Variants in CEP350 observed in about 807,000 individuals in gnomAD.
CEP350 encodes centrosomal protein 350.
Under a neutral mutation model 331.8 loss-of-function variants are expected in CEP350, and 126 were observed. That is an observed-to-expected ratio of 0.38 (90% CI 0.33 to 0.44). The LOEUF is 0.44. Among genes scored for constraint, CEP350 ranks in the 20% least tolerant of loss-of-function variants. The pLI, the probability that CEP350 is intolerant of heterozygous loss-of-function variation, is 1.00. For synonymous variants in CEP350, 1,200 were observed against 1,259.5 expected, an observed-to-expected ratio of 0.95 and a Z score of 1.00; for missense variants, 3,406 against 3,634.6, an observed-to-expected ratio of 0.94 and a Z score of 1.62.
At chr1:180,028,462 A>G (rs949350904) in intron 14 of CEP350, among the ~76,000 whole-genome samples, 2 of 152,158 alleles carry the variant, frequency 1.3e-5, no homozygotes, top group Admixed American at 6.5e-5. Flanking sequence ...AATCCAGTCT[A>G]TCTTCTGGTA....
chr1:179,996,460 G>A (rs1178943209), intron 5 of CEP350, 93 bp from the exon 6 acceptor site: 12 of 857,012 alleles, frequency 1.4e-5, no homozygotes, highest in African/African-American at 3.4e-5. Flanking sequence ...TTATTTTTTT[G>A]TGGTGAGAAC....
Position 179,991,707 on chromosome 1 carries a change from G to GTGTGTGTGTGTGTA in CEP350, c.236-354_236-353insGTGTGTGTGTGTAT, listed in dbSNP as rs1385981536. On this transcript the variant is annotated intron_variant, in intron 4 of 37. Transcript: ENST00000367607. ...TGTGTGTGTGTGTGTGTGTGTGTGT[G>GTGTGTGTGTGTGTA]TATATATATATATATATACATTTTT... Among the ~76,000 whole-genome samples, 436 of 96,892 alleles carry GTGTGTGTGTGTGTA rather than the reference G, an allele frequency of 4.5e-3. 4 individuals carry two copies. The highest frequency in any genetic ancestry group is 0.013 in the East Asian group (38 of 3,034). The allele number at this position is 96,892 out of a possible 152,430, so 63.6% of individuals were successfully genotyped here. A position where few individuals can be genotyped will look rare whatever the true frequency, so the allele number is the denominator to read the frequency against.
chr1:179,986,243 A>G lies in CEP350; in HGVS notation c.62A>G (p.Asp21Gly). Residue 21 changes from aspartate (D) to glycine (G), a missense_variant, in exon 2 of 38, where the codon GAT becomes GGT. By Grantham distance (94) the Asp-to-Gly change is moderately conservative. This residue lies in a region of CEP350 where 1,857 missense variants were observed against 1,909.2 expected (regional missense o/e 0.97). Transcript: ENST00000367607. The stretch of plus-strand genomic sequence containing the variant: ...AATCCAAGGAACTCTCAAAGCAAGG[A>G]TACTGTTCAAGGTATGATTTTGTTT... The part of the protein sequence containing the change: ...LPNPRNSQSK[D>G]TVQADITTSW... The G allele has an allele frequency of 6.4e-7, 1 of 1,550,396 alleles. No homozygotes were observed.
chr1:180,109,495 A>G (rs965420365), intron 37 of CEP350, among the ~76,000 whole-genome samples: 2 of 152,164 alleles, frequency 1.3e-5, no homozygotes, highest in Non-Finnish European at 2.9e-5. Flanking sequence ...TTTTTTGCCA[A>G]GTAAGACTTC....
rs1359478319 is a variant in CEP350 at position 180,112,497 on chromosome 1, A to G, written c.*1336A>G. ...AAAATCTATAGACTCCAGCTGCTAC[A>G]TTAGAGCATAAGAGATGCTCTCCTG... On this transcript the variant is annotated 3_prime_UTR_variant, in exon 38 of 38. Transcript: ENST00000367607. 1 of 152,654 alleles carries G rather than the reference A, an allele frequency of 6.6e-6. No homozygotes were observed. The highest frequency in any genetic ancestry group is 1.5e-5 in the Non-Finnish European group (1 of 68,044). The allele number at this position is 152,654 out of a possible 1,614,324, so 9.5% of individuals were successfully genotyped here.
chr1:180,074,648 G>C (rs556221933), intron 27 of CEP350, among the ~76,000 whole-genome samples: 3 of 152,160 alleles, frequency 2.0e-5, no homozygotes, highest in African/African-American at 7.2e-5. Context: ...TGTGTTTTCT[G>C]GTCTGAGCCT....
At chr1:180,056,572 C>T (rs989345624) in intron 25 of CEP350, among the ~76,000 whole-genome samples, 3 of 148,824 alleles carry the variant, frequency 2.0e-5, no homozygotes, top group Non-Finnish European at 4.4e-5. Context: ...AGGGCTCAAG[C>T]AATCCTCTCA....
At position 180,020,155 on chromosome 1, in the gene CEP350, T is replaced by C. The variant is rs1477816853; in HGVS notation, c.2381T>C (p.Phe794Ser). The C allele has an allele frequency of 6.2e-7, 1 of 1,614,010 alleles. No homozygotes were observed. Residue 794 changes from phenylalanine (F) to serine (S), a missense_variant, in exon 12 of 38, where the codon TTT becomes TCT. This residue lies in a region of CEP350 where 1,857 missense variants were observed against 1,909.2 expected (regional missense o/e 0.97). Coordinates refer to ENST00000367607, the MANE Select transcript of CEP350 (RefSeq NM_014810.5). ...NHNMASRPLT[F>S]TPQPYVTSPA... ...AATATGGCTTCAAGGCCATTAACTT[T>C]TACACCTCAACCATATGTGACCTCA...
Position 180,095,634 on chromosome 1 carries a change from G to A in CEP350, c.8623G>A (p.Asp2875Asn). The change falls in exon 35 of 38, where the codon GAT becomes AAT. Residue 2875 changes from aspartate to asparagine, a missense_variant. Physicochemically the swap from Asp to Asn is conservative, Grantham distance 23. Around this residue, in one of 5 missense-constraint regions of CEP350, gnomAD observed 1,415 missense variants for 1,512.3 expected, o/e 0.94. Coordinates refer to ENST00000367607, the MANE Select transcript of CEP350 (RefSeq NM_014810.5). ...GTTAGGAGATGATCAAGACTGGTTT[G>A]ATGAAGACTTTGGTTTGAGCTCTTC... ...SALGDDQDWFDEDFGLSSSHK... is the reference protein window; with the variant it reads ...SALGDDQDWFNEDFGLSSSHK... 1 of 1,613,928 alleles carries A rather than the reference G, an allele frequency of 6.2e-7. No individual in the cohort carries two copies. Among genetic ancestry groups the A allele is most frequent in the Non-Finnish European group, 8.5e-7 (1 of 1,179,880 alleles).
chr1:180,079,575 G>A (rs867011705), intron 29 of CEP350, among the ~76,000 whole-genome samples: 4 of 151,554 alleles, frequency 2.6e-5, no homozygotes, highest in African/African-American at 7.3e-5. Flanking sequence ...GGTTATTAAA[G>A]GCTTTTAATA....
intron 1 of CEP350, among the ~76,000 whole-genome samples, chr1:179,972,587 C>G (rs181714787): frequency 1.5e-3 from 232 of 152,228 alleles, no homozygotes; most frequent in Non-Finnish European, 2.4e-3. Context: ...TCACTGCAAC[C>G]TCCGACTCCC....
At chr1:179,977,593 A>G (rs1459297193) in intron 1 of CEP350, among the ~76,000 whole-genome samples, 1 of 152,166 alleles carries the variant, frequency 6.6e-6, no homozygotes, top group African/African-American at 2.4e-5. Flanking sequence ...CAGATAATTG[A>G]AGATCATTTG....
chr1:180,014,153 G>A lies in CEP350; in HGVS notation c.1700G>A (p.Ser567Asn). ...CCAGTACATGCTCCTAGGAGTCACA[G>A]CCCAGTAAAAAGAAAACCTGACAAA... Reference protein sequence around the residue: ...SAPVHAPRSHSPVKRKPDKIT... With the variant: ...SAPVHAPRSHNPVKRKPDKIT... Residue 567 changes from serine to asparagine, a missense_variant, in exon 10 of 38, where the codon AGC becomes AAC. Transcript: ENST00000367607. The A allele has an allele frequency of 6.2e-7, 1 of 1,608,616 alleles. No homozygotes were observed. The highest frequency in any genetic ancestry group is 8.5e-7 in the Non-Finnish European group (1 of 1,177,464).
At chr1:179,979,927 T>C (rs182422458) in intron 1 of CEP350, among the ~76,000 whole-genome samples, 91 of 152,280 alleles carry the variant, frequency 6.0e-4, no homozygotes, top group Admixed American at 9.2e-4. Flanking sequence ...GCTGTTTTGG[T>C]TACTGTAGCT....
At chr1:180,080,776 T>C (rs1424273084) in intron 30 of CEP350, 115 bp downstream of exon 30, 7 of 840,106 alleles carry the variant, frequency 8.3e-6, no homozygotes, top group Non-Finnish European at 1.4e-5. Context: ...CAGTGGTGAG[T>C]TTATGTAGGA....
chr1:179,968,766 A>G, intron 1 of CEP350: 1 of 642,044 alleles, frequency 1.6e-6, no homozygotes, highest in Non-Finnish European at 2.9e-6. Flanking sequence ...ACATCTATAA[A>G]AGGAAAAGTA....
chr1:180,107,485 A>G (rs1230614725), intron 37 of CEP350, among the ~76,000 whole-genome samples: 4 of 152,190 alleles, frequency 2.6e-5, no homozygotes, highest in South Asian at 2.1e-4. Context: ...CCTGGCCAAC[A>G]TGGTGAAACC....
intron 7 of CEP350, among the ~76,000 whole-genome samples, chr1:180,004,885 TGC>T (rs1558092966): frequency 1.0e-3 from 73 of 71,474 alleles, no homozygotes; most frequent in African/African-American, 3.0e-3. Flanking sequence ...CTTGCTTGCT[TGC>T]TTGCTTGCTT....
intron 8 of CEP350, 123 bp downstream of exon 8, chr1:180,006,690 T>C: frequency 1.6e-6 from 1 of 620,160 alleles, no homozygotes; most frequent in South Asian, 2.0e-5. Flanking sequence ...ACGTGTGCCA[T>C]GGTGGTTTGC....
Sources: allele counts gnomAD v4.1 joint callset (sites outside exome capture counted in the v4.1 genomes callset), GRCh38; gene constraint gnomAD v4.1.1; regional missense constraint gnomAD v4.1.1; transcripts MANE v1.5; gene names NCBI Gene and HGNC (gene_info 2026-07-23, HGNC 2026-07-21).